Variants in MCM2 observed in about 807,000 individuals in gnomAD.
MCM2 encodes the protein DNA replication licensing factor MCM2.
A neutral mutation model predicts 86.4 loss-of-function variants in MCM2; 49 were observed. That is an observed-to-expected ratio of 0.57 (90% CI 0.45 to 0.72). The LOEUF (loss-of-function observed/expected upper bound fraction) is 0.72, where lower values mean the gene tolerates loss of function less well. MCM2 is among the 30% of genes least tolerant of loss of function. The probability of loss-of-function intolerance (pLI) is 0.00; values close to 1 mark genes in which losing one functional copy is unlikely to be tolerated. For missense variants in MCM2, 1,038 were observed against 1,259.9 expected, an observed-to-expected ratio of 0.82 and a Z score of 2.67; for synonymous variants, 475 against 484.6, an observed-to-expected ratio of 0.98 and a Z score of 0.26.
In MCM2 at chr3:127,617,726, G is replaced by A; in HGVS notation, c.1901-243G>A. 1 of 589,002 alleles carries A rather than the reference G, an allele frequency of 1.7e-6. No individual in the cohort carries two copies. Among genetic ancestry groups the A allele is most frequent in the African/African-American group, 1.9e-5 (1 of 53,804 alleles). The allele number at this position is 589,002 out of a possible 1,614,324, so 36.5% of individuals were successfully genotyped here. A position where few individuals can be genotyped will look rare whatever the true frequency, so the allele number is the denominator to read the frequency against. On this transcript the variant is annotated intron_variant, in intron 11 of 15. Transcript: ENST00000265056. The surrounding 1 kb of genome is among the most constrained non-coding windows in gnomAD (Gnocchi z 4.1). ...GAATGCGTAAAAGAACCCAGGCTCT[G>A]TCACCCACTGTGTTCTTGGTTTTTC...
At chr3:127,609,103 AG>A in intron 8 of MCM2, 80 bp downstream of exon 8, 1 of 1,447,608 alleles carries the variant, frequency 6.9e-7, no homozygotes, top group Non-Finnish European at 9.5e-7. Context: ...GTAGGCACCT[AG>A]GGCTCACTGC....
chr3:127,605,496 A>C (rs1398136252), intron 4 of MCM2, among the ~76,000 whole-genome samples: 2 of 137,392 alleles, frequency 1.5e-5, no homozygotes, highest in Non-Finnish European at 3.0e-5. Context: ...GCTGGAGTGC[A>C]ATGGCACGGT....
In MCM2 at chr3:127,615,189, G is replaced by T. The variant is rs576573284; in HGVS notation, c.1429-673G>T. On this transcript the variant is annotated intron_variant, in intron 8 of 15. Transcript: ENST00000265056. ...ATGTGGGTGTGGCCAGTGCAGGGGG[G>T]TATGAAGGCTGAAAGCTATCAAAAC... 2.0e-4 allele frequency among the ~76,000 whole-genome samples: 30 copies of T among 152,330 alleles called. 1 individual carries two copies. The South Asian group carries it at 4.1e-3, about 21-fold the overall frequency.
At chr3:127,602,212 C>A (rs184911539) in intron 2 of MCM2, among the ~76,000 whole-genome samples, 74 of 135,696 alleles carry the variant, frequency 5.5e-4, no homozygotes, top group Admixed American at 1.0e-3. Flanking sequence ...TTGCTGAGGG[C>A]ATTTTGTGTG....
chr3:127,598,621 T>C, intron 1 of MCM2, 149 bp downstream of exon 1: 1 of 1,120,340 alleles, frequency 8.9e-7, no homozygotes, highest in Non-Finnish European at 1.2e-6. Flanking sequence ...GCCTGCACCC[T>C]GCGTGAGGCG....
rs573212293 is a variant in MCM2 at position 127,609,480 on chromosome 3, T to G, written c.1428+457T>G. Among the ~76,000 whole-genome samples the G allele has an allele frequency of 5.6e-4, 84 of 149,168 alleles. No homozygotes were observed. In the South Asian group the frequency reaches 5.9e-3, roughly 11 times the overall value. ...CAACCCAGAATGGTGGTGTTTTTTGTTTTTTTTTGTGATGGAGATGGGGTC... is the reference window on the plus strand; with the variant it reads ...CAACCCAGAATGGTGGTGTTTTTTGGTTTTTTTTGTGATGGAGATGGGGTC... On this transcript the variant is annotated intron_variant, in intron 8 of 15. Transcript: ENST00000265056.
At chr3:127,616,716 C>A in intron 9 of MCM2, 152 bp from the exon 10 acceptor site, 1 of 816,660 alleles carries the variant, frequency 1.2e-6, no homozygotes, top group Non-Finnish European at 1.9e-6. Flanking sequence ...CAGAGTGGGA[C>A]TGCATGGCGT....
At chr3:127,607,881 G>T (rs1559863145) in intron 6 of MCM2, among the ~76,000 whole-genome samples, 1 of 152,208 alleles carries the variant, frequency 6.6e-6, no homozygotes, top group Non-Finnish European at 1.5e-5. Context: ...TTTAACTGCA[G>T]TGCCATGTTG....
At chr3:127,612,855 C>T (rs1265177743) in intron 8 of MCM2, among the ~76,000 whole-genome samples, 2 of 152,174 alleles carry the variant, frequency 1.3e-5, no homozygotes, top group Admixed American at 6.5e-5. Flanking sequence ...CTTGCCTCTC[C>T]TCTAGGAGAA....
At chr3:127,616,737 A>T in intron 9 of MCM2, 131 bp from the exon 10 acceptor site, 1 of 1,008,548 alleles carries the variant, frequency 9.9e-7, no homozygotes. Context: ...AGGGCATTGT[A>T]TCCCTTTCTA....
Position 127,608,974 on chromosome 3 carries a change from A to T in MCM2, c.1379A>T (p.Asp460Val). 1 of 1,614,210 alleles carries T rather than the reference A, an allele frequency of 6.2e-7. No individual in the cohort carries two copies. Among genetic ancestry groups the T allele is most frequent in the African/African-American group, 1.3e-5 (1 of 75,066 alleles). Residue 460 changes from aspartate (D) to valine (V), a missense_variant, in exon 8 of 16, where the codon GAT (aspartate) becomes GTT (valine). By Grantham distance (152) the Asp-to-Val change is radical. This residue lies in a region of MCM2 where 399 missense variants were observed against 507.2 expected (regional missense o/e 0.79). Coordinates refer to ENST00000265056, the MANE Select transcript of MCM2 (RefSeq NM_004526.4). Reference sequence around the variant, plus strand: ...GCTGTAGGGGAACTGACCGATGAAGATGTGAAGATGATCACTAGCCTCTCC... The same window carrying T: ...GCTGTAGGGGAACTGACCGATGAAGTTGTGAAGATGATCACTAGCCTCTCC... The part of the protein sequence containing the change: ...KVAVGELTDE[D>V]VKMITSLSKD...
At chr3:127,608,322 G>T (rs2074365672) in intron 6 of MCM2, 60 bp from the exon 7 acceptor site, 1 of 1,590,438 alleles carries the variant, frequency 6.3e-7, no homozygotes, top group African/African-American at 1.3e-5. Context: ...CCTGTTCGGG[G>T]GTCAAGGTTA....
In MCM2 at chr3:127,617,308, T is replaced by C. The variant is rs1376490346; in HGVS notation, c.1803T>C (p.His601=). The C allele has an allele frequency of 3.7e-6, 6 of 1,614,010 alleles. No homozygotes were observed. Among genetic ancestry groups the C allele is most frequent in the Non-Finnish European group, 5.1e-6 (6 of 1,180,010 alleles). The change falls in exon 11 of 16, where the codon CAT becomes CAC. Residue 601 remains histidine, a synonymous_variant. Coordinates refer to ENST00000265056, the MANE Select transcript of MCM2 (RefSeq NM_004526.4). The surrounding 1 kb of genome is among the most constrained non-coding windows in gnomAD (Gnocchi z 4.1). ...ATGACCAGGACAGAACCAGCATCCA[T>C]GAGGCCATGGAGCAACAGAGCATCT... ...KMNDQDRTSI[H]EAMEQQSISI... is the part of the protein sequence containing the mutation.
At chr3:127,609,166 GC>G in intron 8 of MCM2, 143 bp downstream of exon 8, 1 of 846,616 alleles carries the variant, frequency 1.2e-6, no homozygotes. Context: ...TGGAAGGGAG[GC>G]CCTGTGCTCC....
chr3:127,608,369 G>T lies in MCM2; in HGVS notation c.1102-13G>T, dbSNP rs769922317. The stretch of plus-strand genomic sequence containing the variant: ...AAGTCAGTGATTTGAGGCCTTCTGT[G>T]TGTCCCTCGCAGACCATCTATCAGA... On this transcript the variant is annotated splice_polypyrimidine_tract_variant and intron_variant, in intron 6 of 15. Transcript: ENST00000265056. 5 of 1,613,646 alleles carry T rather than the reference G, an allele frequency of 3.1e-6. No homozygotes were observed. The South Asian group carries it at 5.5e-5, about 18-fold the overall frequency.
At position 127,608,474 on chromosome 3, in the gene MCM2, C is replaced by A. The variant is rs2074367096; in HGVS notation, c.1194C>A (p.Leu398=). 2 of 1,614,212 alleles carry A rather than the reference C, an allele frequency of 1.2e-6. No homozygotes were observed. Among genetic ancestry groups the A allele is most frequent in the Admixed American group, 3.3e-5 (2 of 60,030 alleles). Residue 398 remains leucine, a synonymous_variant, in exon 7 of 16, where the codon CTC becomes CTA. Transcript: ENST00000265056. Reference sequence around the variant, plus strand: ...TGCCCCGCTCCAAGGACGCCATTCTCCTCGCAGATCTGGTGGACAGCTGCA... The same window carrying A: ...TGCCCCGCTCCAAGGACGCCATTCTACTCGCAGATCTGGTGGACAGCTGCA... ...GRLPRSKDAI[L]LADLVDSCKP... is the part of the protein sequence containing the mutation.
chr3:127,604,881 C>T lies in MCM2; in HGVS notation c.413-15C>T, dbSNP rs763152040. The T allele has an allele frequency of 2.5e-6, 4 of 1,601,466 alleles. No individual in the cohort carries two copies. The African/African-American group carries it at 4.0e-5, about 16-fold the overall frequency. ...TGGGGATGACCGCAGTAGCAGGTGTCTCTTGCCTCCCCAGACAGCGATGAG... is the reference window on the plus strand; with the variant it reads ...TGGGGATGACCGCAGTAGCAGGTGTTTCTTGCCTCCCCAGACAGCGATGAG... On this transcript the variant is annotated splice_polypyrimidine_tract_variant and intron_variant, in intron 3 of 15. Transcript: ENST00000265056.
rs142046545 is a variant in MCM2 at position 127,619,935 on chromosome 3, G to A, written c.2265+657G>A. Among the ~76,000 whole-genome samples the A allele has an allele frequency of 8.3e-3, 1,262 of 152,272 alleles. 22 individuals are homozygous for A. The highest frequency in any genetic ancestry group is 0.028 in the African/African-American group (1,164 of 41,558). ...GGAGTTCGAGGCTACAGTGAGCTAT[G>A]ATGGCACCACTGCACTCTAGCCTTG... On this transcript the variant is annotated intron_variant, in intron 13 of 15. Coordinates refer to ENST00000265056, the MANE Select transcript of MCM2 (RefSeq NM_004526.4).
At position 127,617,648 on chromosome 3, in the gene MCM2, G is replaced by A. The variant is rs1296332941; in HGVS notation, c.1900+243G>A. 31 of 611,470 alleles carry A rather than the reference G, an allele frequency of 5.1e-5. No individual in the cohort carries two copies. In the Admixed American group the frequency reaches 8.1e-4, roughly 16 times the overall value. The allele number at this position is 611,470 out of a possible 1,614,324, so 37.9% of individuals were successfully genotyped here. On this transcript the variant is annotated intron_variant, in intron 11 of 15. Coordinates refer to ENST00000265056, the MANE Select transcript of MCM2 (RefSeq NM_004526.4). This position sits in a 1 kb window ranked among gnomAD's most constrained non-coding sequence, Gnocchi z 4.1. ...TGGATGTTCTCAGAAGGCATGGGAG[G>A]AGAGCCCAGTGCCCCTCTGGCCAGG...
Sources: gnomAD v4.1 joint callset for allele counts (sites outside exome capture counted in the v4.1 genomes callset) on GRCh38, gnomAD v4.1.1 for gene constraint, gnomAD v4.1.1 regional missense constraint, Gnocchi (gnomAD v3.1) non-coding constraint, MANE v1.5 for transcripts, NCBI Gene and HGNC (gene_info 2026-07-23, HGNC 2026-07-21) for gene names.